SLA2: variants seen among roughly 807,000 people sequenced by gnomAD.
SLA2 encodes src-like-adapter 2.
Under a neutral mutation model 27.3 loss-of-function variants are expected in SLA2, and 22 were observed. The ratio of observed to expected loss-of-function variants is 0.81; its 90% CI spans 0.58 to 1.15. The LOEUF (loss-of-function observed/expected upper bound fraction) is 1.15, where lower values mean the gene tolerates loss of function less well. SLA2 is among the 50% of genes most tolerant of loss of function. SLA2 has a pLI of 0.00. For missense variants in SLA2, 304 were observed against 322.2 expected (o/e 0.94, Z 0.43); for synonymous variants, 131 against 137.8 (o/e 0.95, Z 0.34).
chr20:36,621,185 G>A, intron 5 of SLA2: 1 of 472,870 alleles, frequency 2.1e-6, no homozygotes, highest in Non-Finnish European at 4.1e-6. Context: ...AACCAAGGTG[G>A]TGGATATGGT....
intron 5 of SLA2, among the ~76,000 whole-genome samples, chr20:36,627,858 C>T (rs548351255): frequency 6.6e-6 from 1 of 152,274 alleles, no homozygotes; most frequent in Admixed American, 6.5e-5. Context: ...TAGCTCAGGG[C>T]CCCAGGCCTT....
At chr20:36,636,405 G>A (rs1203649194) in intron 2 of SLA2, among the ~76,000 whole-genome samples, 2 of 138,190 alleles carry the variant, frequency 1.4e-5, no homozygotes, top group African/African-American at 5.9e-5. Context: ...TCCAGCCTGG[G>A]CGACAGAGCA....
chr20:36,626,268 T>A (rs2039336092), intron 5 of SLA2, among the ~76,000 whole-genome samples: 1 of 151,996 alleles, frequency 6.6e-6, no homozygotes, highest in Non-Finnish European at 1.5e-5. Flanking sequence ...GGCACGCACC[T>A]GTAATCCTAG....
intron 1 of SLA2, among the ~76,000 whole-genome samples, chr20:36,642,751 G>T (rs112611537): frequency 2.0e-5 from 3 of 152,082 alleles, no homozygotes; most frequent in African/African-American, 7.2e-5. Flanking sequence ...ACGCCTGGCC[G>T]ATTTTGTATT....
intron 5 of SLA2, chr20:36,620,766 CA>C: frequency 5.9e-6 from 1 of 169,512 alleles, no homozygotes; most frequent in Middle Eastern, 3.0e-3. Flanking sequence ...GACAGGGTTT[CA>C]CCTTGTTGGT....
intron 5 of SLA2, among the ~76,000 whole-genome samples, chr20:36,625,825 A>C (rs1196154917): frequency 1.5e-5 from 2 of 131,802 alleles, no homozygotes; most frequent in Non-Finnish European, 3.2e-5. Flanking sequence ...AGATCCTGTC[A>C]AAAAAAAAAA....
At chr20:36,626,282 C>T (rs2039336234) in intron 5 of SLA2, among the ~76,000 whole-genome samples, 1 of 151,924 alleles carries the variant, frequency 6.6e-6, no homozygotes, top group Non-Finnish European at 1.5e-5. Context: ...ATCCTAGCTA[C>T]TCGGGAGGCT....
At chr20:36,619,047 G>A (rs1180577365) in intron 5 of SLA2, among the ~76,000 whole-genome samples, 1 of 150,990 alleles carries the variant, frequency 6.6e-6, no homozygotes, top group Non-Finnish European at 1.5e-5. Flanking sequence ...CTAACATGGT[G>A]AAACTCCATC....
intron 5 of SLA2, among the ~76,000 whole-genome samples, chr20:36,616,649 T>G (rs1332739440): frequency 6.6e-6 from 1 of 152,178 alleles, no homozygotes; most frequent in Non-Finnish European, 1.5e-5. Flanking sequence ...TAATTTATTT[T>G]TAGAGCCATG....
At chr20:36,631,014 G>C (rs1255774435) in intron 5 of SLA2, among the ~76,000 whole-genome samples, 15 of 152,210 alleles carry the variant, frequency 9.9e-5, no homozygotes, top group Admixed American at 9.8e-4. Context: ...GTTTTGCCAA[G>C]AGATCAGAAT....
At chr20:36,636,624 ATATAT>A (rs1416766938) in intron 2 of SLA2, among the ~76,000 whole-genome samples, 24 of 105,234 alleles carry the variant, frequency 2.3e-4, no homozygotes, top group African/African-American at 1.0e-3. Flanking sequence ...AAAAAAAAAA[ATATAT>A]ATATATATAT....
In SLA2 at chr20:36,633,561, A is replaced by C; in HGVS notation, c.260T>G (p.Val87Gly). 1.9e-6 allele frequency: 3 copies of C among 1,614,092 alleles called. No homozygotes were observed. Among genetic ancestry groups the C allele is most frequent in the Non-Finnish European group, 2.5e-6 (3 of 1,179,992 alleles). Reference protein sequence around the residue: ...GREYNIPSVHVAKVSHGWLYE... With the variant: ...GREYNIPSVHGAKVSHGWLYE... ...AACTCACCCATGGGAGACTTTGGCC[A>C]CGTGGACGCTGGGGATGTTATACTC... The change falls in exon 4 of 8, where the codon GTG (valine) becomes GGG (glycine). Residue 87 changes from valine (V) to glycine (G), a missense_variant. Physicochemically the swap from Val to Gly is moderately radical, Grantham distance 109. Transcript: ENST00000262866.
intron 5 of SLA2, chr20:36,621,055 T>TGTG (rs2039276861): frequency 5.6e-6 from 2 of 359,388 alleles, no homozygotes; most frequent in Admixed American, 6.4e-5. Context: ...AAGAGAAGAC[T>TGTG]GTGGTGGTGG....
intron 5 of SLA2, among the ~76,000 whole-genome samples, chr20:36,623,266 C>CA (rs776399343): frequency 0.21 from 10,333 of 49,136 alleles, 984 homozygotes; most frequent in Admixed American, 0.28. Flanking sequence ...CATTACATCT[C>CA]AAAAAAAAAA....
In SLA2 at chr20:36,636,623, A is replaced by AAATATAT. The variant is rs1387991352; in HGVS notation, c.92-2035_92-2034insATATATT. 6.6e-4 allele frequency among the ~76,000 whole-genome samples: 76 copies of AAATATAT among 114,674 alleles called. 1 individual carries two copies. Among genetic ancestry groups the AAATATAT allele is most frequent in the African/African-American group, 2.8e-3 (70 of 25,120 alleles). 75.2% of individuals were successfully genotyped at this position (114,674 alleles called of 152,430 possible). On this transcript the variant is annotated intron_variant, in intron 2 of 7. Coordinates refer to ENST00000262866, the MANE Select transcript of SLA2 (RefSeq NM_032214.4). ...TCCATCTCAAAAAGAAAAAAAAAAA[A>AAATATAT]ATATATATATATATATATATATATA...
intron 5 of SLA2, 82 bp downstream of exon 5, chr20:36,632,513 C>T (rs948206466): frequency 1.8e-5 from 19 of 1,079,892 alleles, no homozygotes; most frequent in Middle Eastern, 2.5e-4. Context: ...TTTTCTGGGC[C>T]GCACCTGCAG....
In SLA2 at chr20:36,613,793, TG is replaced by T. The variant is rs754231288; in HGVS notation, c.*72del. ...CTCCCTGAGTGCACAGCCTTGCCTCTGGGGTGCCCAGGAGGCTGAATTGGGG... is the reference window on the plus strand; with the variant it reads ...CTCCCTGAGTGCACAGCCTTGCCTCTGGGTGCCCAGGAGGCTGAATTGGGG... On this transcript the variant is annotated 3_prime_UTR_variant, in exon 8 of 8. Transcript: ENST00000262866. 1.2e-4 allele frequency: 94 copies of T among 769,908 alleles called. No individual in the cohort carries two copies. Among genetic ancestry groups the T allele is most frequent in the Non-Finnish European group, 5.5e-5 (28 of 511,222 alleles). The allele number at this position is 769,908 out of a possible 1,614,324, so 47.7% of individuals were successfully genotyped here.
At chr20:36,614,989 G>A (rs763262693) in intron 6 of SLA2, 11 of 985,424 alleles carry the variant, frequency 1.1e-5, no homozygotes, top group South Asian at 4.7e-5. Context: ...CAGAGTGGTA[G>A]GCAAGGTACT....
chr20:36,641,727 CA>C (rs1021368427), intron 1 of SLA2, among the ~76,000 whole-genome samples: 4 of 152,214 alleles, frequency 2.6e-5, no homozygotes, highest in African/African-American at 9.6e-5. Flanking sequence ...CTTTGTTGAT[CA>C]CTCCTTTGAA....
Sources: allele counts gnomAD v4.1 joint callset (sites outside exome capture counted in the v4.1 genomes callset), GRCh38; gene constraint gnomAD v4.1.1; transcripts MANE v1.5; gene names NCBI Gene and HGNC (gene_info 2026-07-23, HGNC 2026-07-21).